The following EEIG1 variants were observed in gnomAD, a reference collection of about 807,000 sequenced individuals.
EEIG1 encodes the protein estrogen-induced osteoclastogenesis regulator 1, also known as early estrogen-induced gene 1 protein.
the EEIG1 span, among the ~76,000 whole-genome samples, chr9:127,952,090 C>T: frequency 6.6e-6 from 1 of 152,236 alleles, no homozygotes; most frequent in Non-Finnish European, 1.5e-5. Context: ...GTGAGATGCT[C>T]CCAGGTGTTT....
chr9:127,962,236 G>A, the EEIG1 span, among the ~76,000 whole-genome samples: 2 of 152,200 alleles, frequency 1.3e-5, no homozygotes, highest in Non-Finnish European at 2.9e-5. Flanking sequence ...CAGAAAACAG[G>A]AGATGCCCAC....
At chr9:127,958,700 A>T in the EEIG1 span, among the ~76,000 whole-genome samples, 2 of 152,060 alleles carry the variant, frequency 1.3e-5, no homozygotes, top group Non-Finnish European at 2.9e-5. Flanking sequence ...ACAAACAAAA[A>T]ACCTTTTGCA....
the EEIG1 span, among the ~76,000 whole-genome samples, chr9:127,977,984 C>T: frequency 6.6e-6 from 1 of 152,202 alleles, no homozygotes; most frequent in Non-Finnish European, 1.5e-5. Flanking sequence ...GAGTAGCCAA[C>T]TCCAGGCCCT....
the EEIG1 span, among the ~76,000 whole-genome samples, chr9:127,955,224 C>T: frequency 2.0e-5 from 3 of 152,196 alleles, no homozygotes; most frequent in Admixed American, 6.5e-5. Flanking sequence ...CGGAGAGGGC[C>T]GCAGCCAAGC....
the EEIG1 span, among the ~76,000 whole-genome samples, chr9:127,978,954 T>C: frequency 6.6e-6 from 1 of 151,848 alleles, no homozygotes; most frequent in Non-Finnish European, 1.5e-5. Flanking sequence ...GAGGTAGAGG[T>C]TGCAGTGAGC....
At chr9:127,956,778 G>A in the EEIG1 span, among the ~76,000 whole-genome samples, 114 of 151,982 alleles carry the variant, frequency 7.5e-4, no homozygotes, top group Non-Finnish European at 1.4e-3. Flanking sequence ...GCAGTGGCAC[G>A]ATCTCGGCTC....
At chr9:127,977,397 A>G in the EEIG1 span, among the ~76,000 whole-genome samples, 3 of 152,226 alleles carry the variant, frequency 2.0e-5, no homozygotes, top group Non-Finnish European at 4.4e-5. Context: ...TGGGCAATGG[A>G]AAGGCCAACA....
the EEIG1 span, among the ~76,000 whole-genome samples, chr9:127,945,137 C>T: frequency 1.3e-5 from 2 of 152,176 alleles, no homozygotes; most frequent in South Asian, 2.1e-4. The surrounding 1 kb of genome is among the most constrained non-coding windows in gnomAD (Gnocchi z 6.5). Context: ...GGCCACCTAG[C>T]AGATCGTGCT....
At chr9:127,955,537 G>A in the EEIG1 span, among the ~76,000 whole-genome samples, 1 of 152,252 alleles carries the variant, frequency 6.6e-6, no homozygotes, top group Non-Finnish European at 1.5e-5. Context: ...GTCTCTGAGT[G>A]CCAAGCAGGT....
the EEIG1 span, chr9:127,953,993 A>G: frequency 1.3e-6 from 2 of 1,592,792 alleles, no homozygotes; most frequent in Non-Finnish European, 1.7e-6. Flanking sequence ...ATGTGGTACC[A>G]GGGACATGGC....
the EEIG1 span, chr9:127,943,093 T>C: frequency 9.2e-7 from 1 of 1,086,400 alleles, no homozygotes; most frequent in South Asian, 1.3e-5. Context: ...GGATGAGATG[T>C]GGCGCAGAGG....
chr9:127,950,685 T>G, the EEIG1 span: 1 of 1,429,482 alleles, frequency 7.0e-7, no homozygotes, highest in Non-Finnish European at 9.2e-7. Flanking sequence ...GACTGTTGCA[T>G]AACTGGGACC....
At chr9:127,946,147 T>C in the EEIG1 span, among the ~76,000 whole-genome samples, 1 of 152,172 alleles carries the variant, frequency 6.6e-6, no homozygotes, top group Non-Finnish European at 1.5e-5. Flanking sequence ...GACACATTGC[T>C]GGAGGGAGCC....
At chr9:127,977,544 T>G in the EEIG1 span, among the ~76,000 whole-genome samples, 1 of 152,192 alleles carries the variant, frequency 6.6e-6, no homozygotes, top group Non-Finnish European at 1.5e-5. Context: ...TGACTGGATC[T>G]GGTCCCCACC....
At chr9:127,979,553 G>A in the EEIG1 span, among the ~76,000 whole-genome samples, 22 of 152,364 alleles carry the variant, frequency 1.4e-4, no homozygotes, top group Non-Finnish European at 2.6e-4. Context: ...CCAGACTAGG[G>A]AGTGCCTGCG....
At chr9:127,965,069 A>T in the EEIG1 span, among the ~76,000 whole-genome samples, 1 of 136,692 alleles carries the variant, frequency 7.3e-6, no homozygotes, top group Admixed American at 8.4e-5. Context: ...AGATCGCGCC[A>T]TCGCACTCCA....
the EEIG1 span, among the ~76,000 whole-genome samples, chr9:127,973,338 A>T: frequency 6.6e-6 from 1 of 152,030 alleles, no homozygotes; most frequent in African/African-American, 2.4e-5. This position sits in a 1 kb window ranked among gnomAD's most constrained non-coding sequence, Gnocchi z 4.2. Context: ...GTTCAAAGGG[A>T]CTCAGGGCCC....
chr9:127,974,159 C>T, the EEIG1 span, among the ~76,000 whole-genome samples: 78 of 152,254 alleles, frequency 5.1e-4, no homozygotes, highest in African/African-American at 1.4e-3. Context: ...CTCTGCCTGC[C>T]AGCCCTCTCT....
chr9:127,946,484 A>G, the EEIG1 span, among the ~76,000 whole-genome samples: 1 of 152,208 alleles, frequency 6.6e-6, no homozygotes, highest in Non-Finnish European at 1.5e-5. Flanking sequence ...GTGCCCATCC[A>G]TAACTATGTG....
Sources: gnomAD v4.1 joint callset for allele counts (sites outside exome capture counted in the v4.1 genomes callset) on GRCh38, gnomAD v4.1.1 for gene constraint, Gnocchi (gnomAD v3.1) non-coding constraint, MANE v1.5 for transcripts, NCBI Gene and HGNC (gene_info 2026-07-23, HGNC 2026-07-21) for gene names.